PARD3: variants seen among roughly 807,000 people sequenced by gnomAD.
The protein encoded by PARD3 is partitioning defective 3 homolog.
A neutral mutation model predicts 155.4 loss-of-function variants in PARD3; 75 were observed. The observed-to-expected ratio is 0.48, with a 90% CI of 0.40 to 0.58. PARD3 has a LOEUF of 0.58. Ranked by LOEUF, PARD3 falls within the 20% of genes least tolerant of loss-of-function variation. The probability of loss-of-function intolerance (pLI) is 0.00; values close to 1 mark genes in which losing one functional copy is unlikely to be tolerated. For synonymous variants in PARD3, 576 were observed against 610.5 expected, an observed-to-expected ratio of 0.94 and a Z score of 0.83; for missense variants, 1,642 against 1,721.7, an observed-to-expected ratio of 0.95 and a Z score of 0.82.
chr10:34,696,170 T>G (rs2094167930), intron 2 of PARD3, 148 bp downstream of exon 2: 1 of 544,032 alleles, frequency 1.8e-6, no homozygotes, highest in Non-Finnish European at 3.3e-6. Context: ...TCATGATACT[T>G]ATTATAAAAG....
chr10:34,813,821 T>G (rs1329303120), intron 1 of PARD3, among the ~76,000 whole-genome samples: 1 of 152,216 alleles, frequency 6.6e-6, no homozygotes, highest in Non-Finnish European at 1.5e-5. Flanking sequence ...TGGGAAATAC[T>G]GCACCCAAAC....
At chr10:34,156,988 T>C (rs554943028) in intron 22 of PARD3, among the ~76,000 whole-genome samples, 3 of 152,306 alleles carry the variant, frequency 2.0e-5, no homozygotes, top group East Asian at 3.9e-4. Context: ...GAATGCAACA[T>C]GTAAAAACCT....
intron 2 of PARD3, among the ~76,000 whole-genome samples, chr10:34,694,504 T>C: frequency 7.2e-6 from 1 of 138,786 alleles, no homozygotes; most frequent in African/African-American, 2.8e-5. Flanking sequence ...TAAGACTAGC[T>C]CTGTTGCCCA....
At position 34,814,885 on chromosome 10, in the gene PARD3, G is replaced by A. The variant is rs1370142861; in HGVS notation, c.111C>T (p.Ala37=). The change falls in exon 1 of 25, where the codon GCC becomes GCT. Residue 37 remains alanine (A), a synonymous_variant. Coordinates refer to ENST00000374788, the MANE Select transcript of PARD3 (RefSeq NM_001184785.2). ...GCCCCCGGCCCCTCACCTTGGCGAT[G>A]GCCTTCCGGTAGCGGGTCACCGCCT... ...IQQAVTRYRK[A]IAKDPNYWIQ... 2.6e-6 allele frequency: 4 copies of A among 1,511,202 alleles called. No individual in the cohort carries two copies. Among genetic ancestry groups the A allele is most frequent in the South Asian group, 1.2e-5 (1 of 81,966 alleles). 93.6% of individuals were successfully genotyped at this position (1,511,202 alleles called of 1,614,324 possible). A position where few individuals can be genotyped will look rare whatever the true frequency, so the allele number is the denominator to read the frequency against.
At chr10:34,255,505 T>C (rs943455383) in intron 22 of PARD3, among the ~76,000 whole-genome samples, 1 of 152,204 alleles carries the variant, frequency 6.6e-6, no homozygotes, top group Non-Finnish European at 1.5e-5. Flanking sequence ...GACTAAAAAA[T>C]TACTGCTTTT....
chr10:34,702,735 A>AG (rs892960126), intron 1 of PARD3, among the ~76,000 whole-genome samples: 49 of 152,348 alleles, frequency 3.2e-4, no homozygotes, highest in African/African-American at 1.1e-3. Context: ...GAGAAAAGGC[A>AG]GGGGGGAATC....
chr10:34,195,966 C>T (rs193292763), intron 22 of PARD3, among the ~76,000 whole-genome samples: 53 of 152,322 alleles, frequency 3.5e-4, no homozygotes, highest in African/African-American at 1.3e-3. Context: ...ACTAAACCCA[C>T]GTAAAGGGCT....
intron 1 of PARD3, among the ~76,000 whole-genome samples, chr10:34,794,081 T>A (rs1841982480): frequency 6.6e-6 from 1 of 150,502 alleles, no homozygotes; most frequent in African/African-American, 2.4e-5. Flanking sequence ...CTCCCGTAAG[T>A]ACAAAGAGAC....
In PARD3 at chr10:34,470,436, C is replaced by A. The variant is rs958925923; in HGVS notation, c.404-173G>T. On this transcript the variant is annotated intron_variant, in intron 3 of 24. Transcript: ENST00000374788. ...TTCCTTTAGGTCCTTTAAAATACTA[C>A]ACGGTGAAAGAGATGCGGTCAAGTG... Among the ~76,000 whole-genome samples the A allele has an allele frequency of 5.3e-5, 8 of 152,268 alleles. No homozygotes were observed. In the South Asian group the frequency reaches 8.3e-4, roughly 16 times the overall value.
chr10:34,114,973 C>T (rs1946584986), intron 24 of PARD3, among the ~76,000 whole-genome samples: 1 of 152,198 alleles, frequency 6.6e-6, no homozygotes, highest in Non-Finnish European at 1.5e-5. Flanking sequence ...CATGGTTTGG[C>T]AATAACTATC....
chr10:34,637,058 C>G (rs919030011), intron 2 of PARD3, among the ~76,000 whole-genome samples: 4 of 152,144 alleles, frequency 2.6e-5, no homozygotes, highest in African/African-American at 9.7e-5. Flanking sequence ...AAAAACAAAT[C>G]TGAAAGTACA....
At chr10:34,767,710 T>TGCCTCA (rs1412848387) in intron 1 of PARD3, among the ~76,000 whole-genome samples, 1 of 151,958 alleles carries the variant, frequency 6.6e-6, no homozygotes, top group East Asian at 2.0e-4. Context: ...GCGATTCTCC[T>TGCCTCA]GCCTCAGCCT....
chr10:34,760,527 T>C (rs1837315983), intron 1 of PARD3, among the ~76,000 whole-genome samples: 1 of 152,164 alleles, frequency 6.6e-6, no homozygotes, highest in East Asian at 1.9e-4. Flanking sequence ...AGAAGATCGT[T>C]TCACCTTGTT....
chr10:34,394,774 G>T, intron 7 of PARD3, among the ~76,000 whole-genome samples: 1 of 151,876 alleles, frequency 6.6e-6, no homozygotes, highest in African/African-American at 2.4e-5. Flanking sequence ...CACCATCCAG[G>T]CCAGGATGTA....
chr10:34,276,010 T>C (rs1955860040), intron 21 of PARD3, among the ~76,000 whole-genome samples: 1 of 152,146 alleles, frequency 6.6e-6, no homozygotes. Flanking sequence ...TGTCTATTGC[T>C]TTAAACATTT....
chr10:34,501,055 A>C lies in PARD3; in HGVS notation c.403+15924T>G, dbSNP rs1314396966. ...TTTTATCAAGCAACCACAATTATAT[A>C]ATGGCTAGAGTTTTATTTGTACAAA... is the stretch of plus-strand genomic sequence containing the variant. On this transcript the variant is annotated intron_variant, in intron 3 of 24. Coordinates refer to ENST00000374788, the MANE Select transcript of PARD3 (RefSeq NM_001184785.2). Among the ~76,000 whole-genome samples, 3 of 152,222 alleles carry C rather than the reference A, an allele frequency of 2.0e-5. No individual in the cohort carries two copies. The East Asian group carries it at 5.8e-4, about 29-fold the overall frequency.
At chr10:34,147,433 T>C (rs950044069) in intron 22 of PARD3, among the ~76,000 whole-genome samples, 2 of 99,958 alleles carry the variant, frequency 2.0e-5, no homozygotes, top group East Asian at 3.9e-4. Flanking sequence ...CTAGTTTGAC[T>C]TTTTTTCTCT....
intron 22 of PARD3, among the ~76,000 whole-genome samples, chr10:34,151,451 T>A (rs1420926928): frequency 6.6e-6 from 1 of 152,150 alleles, no homozygotes; most frequent in African/African-American, 2.4e-5. Context: ...ACAGTTGTAA[T>A]AAAATCCTTA....
Position 34,374,991 on chromosome 10 carries a change from T to A in PARD3, c.1551A>T (p.Val517=). 6.2e-7 allele frequency: 1 copy of A among 1,613,384 alleles called. No individual in the cohort carries two copies. Among genetic ancestry groups the A allele is most frequent in the East Asian group, 2.2e-5 (1 of 44,844 alleles). Reference sequence around the variant, plus strand: ...CCTCTTGGGATTTGCCCACTAAATCTACTCCATTTACCTAAAACAAAACAA... The same window carrying A: ...CCTCTTGGGATTTGCCCACTAAATCAACTCCATTTACCTAAAACAAAACAA... The part of the protein sequence containing the change: ...AGDRLIEVNG[V]DLVGKSQEEV... Residue 517 remains valine, a synonymous_variant, in exon 11 of 25, where the codon GTA becomes GTT. Coordinates refer to ENST00000374788, the MANE Select transcript of PARD3 (RefSeq NM_001184785.2).
Sources: gnomAD v4.1 joint callset for allele counts (sites outside exome capture counted in the v4.1 genomes callset) on GRCh38, gnomAD v4.1.1 for gene constraint, MANE v1.5 for transcripts, NCBI Gene and HGNC (gene_info 2026-07-23, HGNC 2026-07-21) for gene names.